The following PAX1 variants were observed in gnomAD, a reference collection of about 807,000 sequenced individuals.
The protein encoded by PAX1 is paired box protein Pax-1.
Under a neutral mutation model 35.6 loss-of-function variants are expected in PAX1, and 18 were observed. The ratio of observed to expected loss-of-function variants is 0.50; its 90% CI spans 0.35 to 0.75. The LOEUF is 0.75. PAX1 is among the 30% of genes least tolerant of loss of function. The probability of loss-of-function intolerance (pLI) is 0.01; values close to 1 mark genes in which losing one functional copy is unlikely to be tolerated. For missense variants in PAX1, 760 were observed against 661.5 expected (o/e 1.15, Z -1.63); for synonymous variants, 397 against 305.2 (o/e 1.30, Z -3.14).
At chr20:21,709,865 CT>C (rs1985145013) in intron 4 of PAX1, among the ~76,000 whole-genome samples, 1 of 152,204 alleles carries the variant, frequency 6.6e-6, no homozygotes, top group South Asian at 2.1e-4. Flanking sequence ...CACCTAAGCC[CT>C]TTAGGTGGGG....
At position 21,706,259 on chromosome 20, in the gene PAX1, C is replaced by G. The variant is rs1041001842; in HGVS notation, c.287-179C>G. The G allele has an allele frequency of 2.2e-6, 2 of 890,152 alleles. No homozygotes were observed. The highest frequency in any genetic ancestry group is 3.9e-5 in the Admixed American group (2 of 50,682). 55.1% of individuals were successfully genotyped at this position (890,152 alleles called of 1,614,324 possible). A position where few individuals can be genotyped will look rare whatever the true frequency, so the allele number is the denominator to read the frequency against. On this transcript the variant is annotated intron_variant, in intron 1 of 4. Transcript: ENST00000613128. The surrounding 1 kb of genome is among the most constrained non-coding windows in gnomAD (Gnocchi z 5.3). ...CTCCACTCCGCGGCTCCTCTGCGCC[C>G]TTGCCCACTCCAAGCCAGACCCAGG...
In PAX1 at chr20:21,708,575, G is replaced by A. The variant is rs1985090915; in HGVS notation, c.934G>A (p.Glu312Lys). ...MEQTGALAGS[E>K]GTAYSPKMED... ...TCCTGCAGGGGCCCTGGCTGGGAGC[G>A]AAGGCACCGCTTACTCTCCCAAGAT... The change falls in exon 3 of 5, where the codon GAA (glutamate) becomes AAA (lysine). Residue 312 changes from glutamate to lysine, a missense_variant. By Grantham distance (56) the Glu-to-Lys change is moderately conservative (BLOSUM62 1). This residue lies in a region of PAX1 where 490 missense variants were observed against 428.4 expected (regional missense o/e 1.14). Transcript: ENST00000613128. 6.2e-7 allele frequency: 1 copy of A among 1,613,658 alleles called. No homozygotes were observed. Among genetic ancestry groups the A allele is most frequent in the African/African-American group, 1.3e-5 (1 of 74,930 alleles).
In PAX1 at chr20:21,706,943, C is replaced by A. The variant is rs140128849; in HGVS notation, c.792C>A (p.Gly264=). ...ACCCCAGTCCCGTGTCGCCCACGGG[C>A]GCCAAGATGGGCAGCCACCCCGGGG... ...YPYPSPVSPT[G]AKMGSHPGVP... Residue 264 remains glycine (G), a synonymous_variant, in exon 2 of 5, where the codon GGC becomes GGA. Coordinates refer to ENST00000613128, the MANE Select transcript of PAX1 (RefSeq NM_001257096.2). The surrounding 1 kb of genome is among the most constrained non-coding windows in gnomAD (Gnocchi z 5.3). 1.2e-5 allele frequency: 20 copies of A among 1,612,380 alleles called. No homozygotes were observed. The highest frequency in any genetic ancestry group is 1.2e-4 in the African/African-American group (9 of 74,932).
rs1232762208 is a variant in PAX1, at chr20:21,709,329, G to C, written c.1167G>C (p.Pro389=). ...YSAPGGGYLA[P]GPPWPPAQGP... is the part of the protein sequence containing the mutation. ...CCCCGGGCGGCGGCTACCTCGCCCC[G>C]GGCCCGCCGTGGCCGCCTGCGCAAG... is the stretch of plus-strand genomic sequence containing the variant. The change falls in exon 4 of 5, where the codon CCG becomes CCC. Residue 389 remains proline, a synonymous_variant. Coordinates refer to ENST00000613128, the MANE Select transcript of PAX1 (RefSeq NM_001257096.2). 4.4e-6 allele frequency: 7 copies of C among 1,597,502 alleles called. No homozygotes were observed. The highest frequency in any genetic ancestry group is 1.3e-5 in the African/African-American group (1 of 74,792).
rs950563500 is a variant in PAX1 at position 21,714,814 on chromosome 20, C to T, written c.*252C>T. The T allele has an allele frequency of 6.3e-7, 1 of 1,595,702 alleles. No individual in the cohort carries two copies. Among genetic ancestry groups the T allele is most frequent in the East Asian group, 2.2e-5 (1 of 44,846 alleles). ...GAACTTGGGTTTTAGACTGCCGTAC[C>T]CTCCTCACAATCCTTGCTCTGACGT... On this transcript the variant is annotated 3_prime_UTR_variant, in exon 5 of 5. Transcript: ENST00000613128.
At chr20:21,708,181 G>A in intron 2 of PAX1, 1 of 379,586 alleles carries the variant, frequency 2.6e-6, no homozygotes, top group Non-Finnish European at 5.0e-6. Context: ...AGAGGCTTGT[G>A]CAGATGTTGA....
rs201409443 is a variant in PAX1, at chr20:21,706,406, C to G, written c.287-32C>G. ...CTAACCCGCCGGGTGTTTTCTCCCC[C>G]TCCGGCTCACTCTTGTCTGGCGCAT... On this transcript the variant is annotated intron_variant, in intron 1 of 4. Transcript: ENST00000613128. The surrounding 1 kb of genome is among the most constrained non-coding windows in gnomAD (Gnocchi z 5.3). 6.2e-6 allele frequency: 10 copies of G among 1,609,432 alleles called. No individual in the cohort carries two copies. The highest frequency in any genetic ancestry group is 2.2e-5 in the South Asian group (2 of 91,086).
intron 4 of PAX1, among the ~76,000 whole-genome samples, chr20:21,710,834 A>T (rs903945305): frequency 2.0e-5 from 3 of 152,240 alleles, no homozygotes; most frequent in African/African-American, 7.2e-5. Context: ...GCCTAGTTAC[A>T]GACAAATCCA....
In PAX1 at chr20:21,714,930, CT is replaced by C. The variant is rs1274327790; in HGVS notation, c.*371del. 7.5e-6 allele frequency: 6 copies of C among 796,316 alleles called. No homozygotes were observed. The highest frequency in any genetic ancestry group is 1.3e-5 in the Non-Finnish European group (6 of 471,170). The allele number at this position is 796,316 out of a possible 1,614,324, so 49.3% of individuals were successfully genotyped here. A position where few individuals can be genotyped will look rare whatever the true frequency, so the allele number is the denominator to read the frequency against. On this transcript the variant is annotated 3_prime_UTR_variant, in exon 5 of 5. Transcript: ENST00000613128. ...CTCTCTCCCTGTTTCCTTCCCCCCT[CT>C]TTCTTTCTCACTCTCCCTCCCTTCC...
Position 21,709,425 on chromosome 20 carries a change from C to T in PAX1, c.1263C>T (p.Phe421=). Residue 421 remains phenylalanine (F), a synonymous_variant, in exon 4 of 5, where the codon TTC becomes TTT. Coordinates refer to ENST00000613128, the MANE Select transcript of PAX1 (RefSeq NM_001257096.2). ...HGGELAAAMT[F]KHPSREVADR... is the part of the protein sequence containing the mutation. ...GGGAACTCGCGGCAGCAATGACCTT[C>T]AAGCATCCCAGCCGAGAAGGTGAGG... 2 of 1,535,420 alleles carry T rather than the reference C, an allele frequency of 1.3e-6. No homozygotes were observed. The highest frequency in any genetic ancestry group is 1.7e-6 in the Non-Finnish European group (2 of 1,146,308).
Position 21,708,695 on chromosome 20 carries a change from A to G in PAX1, c.1054A>G (p.Thr352Ala). ...KPALEADIKY[T>A]QSASTLSAVG... ...TGCCTTAGAGGCAGACATTAAATAC[A>G]CTCAGGTAACCAGGAGGCACGTGAG... The change falls in exon 3 of 5, where the codon ACT (threonine) becomes GCT (alanine). Residue 352 changes from threonine to alanine, a missense_variant. By Grantham distance (58) the Thr-to-Ala change is moderately conservative (BLOSUM62 0). This residue lies in a region of PAX1 where 490 missense variants were observed against 428.4 expected (regional missense o/e 1.14). Transcript: ENST00000613128. 1 of 1,613,460 alleles carries G rather than the reference A, an allele frequency of 6.2e-7. No homozygotes were observed. The highest frequency in any genetic ancestry group is 1.3e-5 in the African/African-American group (1 of 75,050).
chr20:21,714,781 G>A lies in PAX1; in HGVS notation c.*219G>A. 1 of 1,600,526 alleles carries A rather than the reference G, an allele frequency of 6.2e-7. No individual in the cohort carries two copies. Among genetic ancestry groups the A allele is most frequent in the Non-Finnish European group, 8.5e-7 (1 of 1,179,866 alleles). On this transcript the variant is annotated 3_prime_UTR_variant, in exon 5 of 5. Transcript: ENST00000613128. ...TTCCTTTATTGGTCTGGGTTTTTAG[G>A]CTTCTCTGAACTTGGGTTTTAGACT...
rs1243047711 is a variant in PAX1 at position 21,716,051 on chromosome 20, C to A, written c.*1489C>A. ...GTTCTTACTCCGTAGCTACCCTCTC[C>A]CCTGAGTTCCTAGGATGAACACTAT... On this transcript the variant is annotated 3_prime_UTR_variant, in exon 5 of 5. Coordinates refer to ENST00000613128, the MANE Select transcript of PAX1 (RefSeq NM_001257096.2). 6.6e-6 allele frequency: 1 copy of A among 152,218 alleles called. No individual in the cohort carries two copies. Among genetic ancestry groups the A allele is most frequent in the African/African-American group, 2.4e-5 (1 of 41,444 alleles). The allele number at this position is 152,218 out of a possible 1,614,324, so 9.4% of individuals were successfully genotyped here. A position where few individuals can be genotyped will look rare whatever the true frequency, so the allele number is the denominator to read the frequency against.
chr20:21,712,996 A>G (rs550529960), intron 4 of PAX1, among the ~76,000 whole-genome samples: 6 of 152,286 alleles, frequency 3.9e-5, no homozygotes, highest in East Asian at 3.9e-4. Flanking sequence ...TTGTTGTCCT[A>G]TGGAGGGAAT....
At position 21,708,677 on chromosome 20, in the gene PAX1, G is replaced by C; in HGVS notation, c.1036G>C (p.Glu346Gln). The change falls in exon 3 of 5, where the codon GAG becomes CAG. Residue 346 changes from glutamate (E) to glutamine (Q), a missense_variant. Transcript: ENST00000613128. ...GAATGGGCTAGAGAAACCTGCCTTA[G>C]AGGCAGACATTAAATACACTCAGGT... The part of the protein sequence containing the change: ...AVNGLEKPAL[E>Q]ADIKYTQSAS... 1 of 1,613,570 alleles carries C rather than the reference G, an allele frequency of 6.2e-7. No individual in the cohort carries two copies. The highest frequency in any genetic ancestry group is 8.5e-7 in the Non-Finnish European group (1 of 1,180,012).
intron 4 of PAX1, among the ~76,000 whole-genome samples, chr20:21,712,745 A>G (rs575746791): frequency 1.3e-5 from 2 of 152,328 alleles, no homozygotes; most frequent in African/African-American, 2.4e-5. Flanking sequence ...TCCTAAAAGT[A>G]AACTTTGTCA....
At position 21,717,669 on chromosome 20, in the gene PAX1, C is replaced by T. The variant is rs1036897734; in HGVS notation, c.*3107C>T. On this transcript the variant is annotated 3_prime_UTR_variant, in exon 5 of 5. Coordinates refer to ENST00000613128, the MANE Select transcript of PAX1 (RefSeq NM_001257096.2). ...CAATCACTCCCTAAACGCAGTTTGTCTTTGCCTTTCATTTTTTTAATTTAA... is the reference window on the plus strand; with the variant it reads ...CAATCACTCCCTAAACGCAGTTTGTTTTTGCCTTTCATTTTTTTAATTTAA... 1.3e-5 allele frequency: 2 copies of T among 152,114 alleles called. No homozygotes were observed. Among genetic ancestry groups the T allele is most frequent in the African/African-American group, 4.8e-5 (2 of 41,424 alleles). 9.4% of individuals were successfully genotyped at this position (152,114 alleles called of 1,614,324 possible).
At chr20:21,711,466 C>G (rs1985197536) in intron 4 of PAX1, among the ~76,000 whole-genome samples, 1 of 152,220 alleles carries the variant, frequency 6.6e-6, no homozygotes. Context: ...TTCAGAAATA[C>G]AGGGTCATTG....
At position 21,705,806 on chromosome 20, in the gene PAX1, G is replaced by C. The variant is rs1984958219; in HGVS notation, c.94G>C (p.Ala32Pro). 2.3e-6 allele frequency: 3 copies of C among 1,279,994 alleles called. No homozygotes were observed. In the African/African-American group the frequency reaches 4.7e-5, roughly 20 times the overall value. The allele number at this position is 1,279,994 out of a possible 1,614,324, so 79.3% of individuals were successfully genotyped here. Residue 32 changes from alanine (A) to proline (P), a missense_variant, in exon 1 of 5, where the codon GCG becomes CCG. Transcript: ENST00000613128. ...GGCAGGCCCTGGAGCGGGCGGCAGC[G>C]CGCTCCGCTGCCGCGCACAGCGCGT... is the stretch of plus-strand genomic sequence containing the variant. ...AAAGPGAGGS[A>P]LRCRAQRVSS...
Sources: allele counts gnomAD v4.1 joint callset (sites outside exome capture counted in the v4.1 genomes callset), GRCh38; gene constraint gnomAD v4.1.1; regional missense constraint gnomAD v4.1.1; non-coding constraint Gnocchi (gnomAD v3.1); transcripts MANE v1.5; gene names NCBI Gene and HGNC (gene_info 2026-07-23, HGNC 2026-07-21).